The following NYAP2 variants were observed in gnomAD, a reference collection of about 807,000 sequenced individuals.
NYAP2 encodes the protein neuronal tyrosine-phosphorylated phosphoinositide-3-kinase adaptor 2.
A neutral mutation model predicts 50.4 loss-of-function variants in NYAP2; 23 were observed. The ratio of observed to expected loss-of-function variants is 0.46; its 90% confidence interval spans 0.33 to 0.65. The LOEUF (loss-of-function observed/expected upper bound fraction) is 0.65, where lower values mean the gene tolerates loss of function less well. Among genes scored for constraint, NYAP2 ranks in the 30% least tolerant of loss-of-function variants. The probability of loss-of-function intolerance (pLI) is 0.02; values close to 1 mark genes in which losing one functional copy is unlikely to be tolerated. For synonymous variants in NYAP2, 394 were observed against 365.2 expected (o/e 1.08, Z -0.90); for missense variants, 885 against 861.0 (o/e 1.03, Z -0.35).
chr2:225,453,981 A>G (rs1197054368), intron 3 of NYAP2, among the ~76,000 whole-genome samples: 1 of 151,378 alleles, frequency 6.6e-6, no homozygotes, highest in Admixed American at 6.6e-5. Context: ...CTGGCCATCT[A>G]TTAATTTTTT....
At chr2:225,528,704 T>A (rs894582715) in intron 4 of NYAP2, among the ~76,000 whole-genome samples, 4 of 152,200 alleles carry the variant, frequency 2.6e-5, no homozygotes, top group Admixed American at 2.0e-4. Context: ...TAATGCACAG[T>A]GTTCTTGATA....
intron 5 of NYAP2, among the ~76,000 whole-genome samples, chr2:225,606,494 A>G (rs2106244873): frequency 6.6e-6 from 1 of 152,272 alleles, no homozygotes; most frequent in East Asian, 1.9e-4. Flanking sequence ...ATACATAAAA[A>G]TGTTCTACAT....
At chr2:225,620,849 C>T (rs781346806) in intron 5 of NYAP2, among the ~76,000 whole-genome samples, 56 of 152,194 alleles carry the variant, frequency 3.7e-4, no homozygotes, top group Non-Finnish European at 5.4e-4. Flanking sequence ...GGCGCGGTGG[C>T]TCACACCTGT....
At chr2:225,669,690 A>T in the NYAP2 span, among the ~76,000 whole-genome samples, 3 of 152,202 alleles carry the variant, frequency 2.0e-5, no homozygotes, top group African/African-American at 7.2e-5. Flanking sequence ...ATAACAAAAA[A>T]ATCAAAATTT....
At chr2:225,650,688 C>A (rs1693714365) in intron 6 of NYAP2, among the ~76,000 whole-genome samples, 1 of 152,294 alleles carries the variant, frequency 6.6e-6, no homozygotes, top group East Asian at 1.9e-4. Flanking sequence ...GTCCATTTTT[C>A]TTTCTATGAC....
At chr2:225,668,623 T>G in the NYAP2 span, among the ~76,000 whole-genome samples, 1 of 152,208 alleles carries the variant, frequency 6.6e-6, no homozygotes, top group African/African-American at 2.4e-5. Context: ...CCATCTCTGA[T>G]GAGAAAACTG....
chr2:225,659,115 C>T, the NYAP2 span, among the ~76,000 whole-genome samples: 1 of 152,100 alleles, frequency 6.6e-6, no homozygotes, highest in Non-Finnish European at 1.5e-5. Flanking sequence ...AGTCTTGAAC[C>T]AATTGACAAA....
At chr2:225,505,007 C>CA (rs1559198237) in intron 3 of NYAP2, among the ~76,000 whole-genome samples, 96 of 107,344 alleles carry the variant, frequency 8.9e-4, no homozygotes, top group African/African-American at 3.1e-3. Flanking sequence ...GACTGCGTCT[C>CA]GAAAAAAAAA....
Position 225,484,009 on chromosome 2 carries a change from CTT to C in NYAP2, c.222-29361_222-29360del, listed in dbSNP as rs143337381. The stretch of plus-strand genomic sequence containing the variant: ...CCAAGGTTGTGGTTTACAGGAAAAA[CTT>C]GAGGATTTGAGGGTCTTGGGTATTT... On this transcript the variant is annotated intron_variant, in intron 3 of 6. Coordinates refer to ENST00000636099, the Ensembl canonical transcript of NYAP2. Among the ~76,000 whole-genome samples, 138 of 152,246 alleles carry C rather than the reference CTT, an allele frequency of 9.1e-4. 5 individuals are homozygous for C. In the East Asian group the frequency reaches 0.026, roughly 29 times the overall value.
upstream of NYAP2, among the ~76,000 whole-genome samples, chr2:225,397,977 G>C (rs1694800308): frequency 6.6e-6 from 1 of 151,910 alleles, no homozygotes; most frequent in South Asian, 2.1e-4. Context: ...TCCTAAAGTT[G>C]AATATATGAA....
At chr2:225,429,103 C>T (rs1254981684) in intron 3 of NYAP2, among the ~76,000 whole-genome samples, 1 of 151,850 alleles carries the variant, frequency 6.6e-6, no homozygotes, top group Non-Finnish European at 1.5e-5. Context: ...TAAGGTAAAG[C>T]TCAGATGTAT....
intron 3 of NYAP2, among the ~76,000 whole-genome samples, chr2:225,511,305 T>C (rs1690809439): frequency 6.6e-6 from 1 of 151,334 alleles, no homozygotes; most frequent in African/African-American, 2.4e-5. Flanking sequence ...TTCTAATGTA[T>C]GTCTTAATTG....
intron 3 of NYAP2, among the ~76,000 whole-genome samples, chr2:225,461,889 A>G (rs1446045222): frequency 6.6e-6 from 1 of 152,220 alleles, no homozygotes; most frequent in East Asian, 1.9e-4. Flanking sequence ...ACAATAATTT[A>G]TGTACTTTTG....
intron 3 of NYAP2, among the ~76,000 whole-genome samples, chr2:225,505,588 A>G (rs1690689742): frequency 6.6e-6 from 1 of 152,182 alleles, no homozygotes; most frequent in African/African-American, 2.4e-5. Context: ...AGCTGCATGC[A>G]TTTGTTTCCT....
intron 3 of NYAP2, among the ~76,000 whole-genome samples, chr2:225,503,855 A>G (rs374819338): frequency 1.3e-5 from 2 of 151,458 alleles, no homozygotes; most frequent in African/African-American, 4.9e-5. Flanking sequence ...TGATAATTAT[A>G]GCTTTTTTTT....
the NYAP2 span, among the ~76,000 whole-genome samples, chr2:225,662,477 C>T: frequency 6.6e-6 from 1 of 152,242 alleles, no homozygotes; most frequent in African/African-American, 2.4e-5. Flanking sequence ...GACGTATTCA[C>T]CAAAATGTAT....
chr2:225,547,048 G>A (rs188499192), intron 4 of NYAP2, among the ~76,000 whole-genome samples: 1 of 152,250 alleles, frequency 6.6e-6, no homozygotes, highest in Non-Finnish European at 1.5e-5. Context: ...TTGTGGCTAA[G>A]CGGGTGTCCA....
chr2:225,658,586 A>G (rs1693863166), downstream of NYAP2, among the ~76,000 whole-genome samples: 1 of 152,244 alleles, frequency 6.6e-6, no homozygotes, highest in African/African-American at 2.4e-5. Context: ...TAGTTGCATT[A>G]AAACAATGCA....
At chr2:225,474,069 C>A (rs1386693913) in intron 3 of NYAP2, among the ~76,000 whole-genome samples, 1 of 152,180 alleles carries the variant, frequency 6.6e-6, no homozygotes, top group Non-Finnish European at 1.5e-5. Context: ...AATAAGGAAT[C>A]CTTTCCCCAT....
Sources: allele counts gnomAD v4.1 joint callset (sites outside exome capture counted in the v4.1 genomes callset), GRCh38; gene constraint gnomAD v4.1.1; transcripts MANE v1.5; gene names NCBI Gene and HGNC (gene_info 2026-07-23, HGNC 2026-07-21).